CFHR3: variants seen among roughly 807,000 people sequenced by gnomAD.
CFHR3 encodes complement factor H related 3, also known as complement factor H-related protein 3.
Under a neutral mutation model 36.0 loss-of-function variants are expected in CFHR3, and 22 were observed. That is an observed-to-expected ratio of 0.61 (90% CI 0.44 to 0.87). The LOEUF (loss-of-function observed/expected upper bound fraction) is 0.87. Ranked by LOEUF, CFHR3 falls within the 40% of genes least tolerant of loss-of-function variation. CFHR3 has a pLI of 0.00. For missense variants in CFHR3, 276 were observed against 401.3 expected (o/e 0.69, Z 2.67); for synonymous variants, 97 against 137.4 (o/e 0.71, Z 2.06).
chr1:196,782,437 A>G lies in CFHR3; in HGVS notation c.430+2464A>G, dbSNP rs1266058021. ...ATATTGATTCCTCCTACCCATGAGC[A>G]TGGAATGTTCTTCCATTTGTTTGTA... On this transcript the variant is annotated intron_variant, in intron 3 of 5. Coordinates refer to ENST00000367425, the MANE Select transcript of CFHR3 (RefSeq NM_021023.6). Among the ~76,000 whole-genome samples the G allele has an allele frequency of 2.9e-5, 4 of 137,278 alleles. 1 individual carries two copies. The highest frequency in any genetic ancestry group is 1.2e-4 in the African/African-American group (4 of 32,836). 90.1% of individuals were successfully genotyped at this position (137,278 alleles called of 152,430 possible). A position where few individuals can be genotyped will look rare whatever the true frequency, so the allele number is the denominator to read the frequency against.
chr1:196,790,950 A>G lies in CFHR3; in HGVS notation c.796+723A>G, dbSNP rs1422656443. ...ACCAGTAATCATTTTCACATTATTA[A>G]CACTTAGGTAAAGAGTTTTCAAACA... On this transcript the variant is annotated intron_variant, in intron 5 of 5. Coordinates refer to ENST00000367425, the MANE Select transcript of CFHR3 (RefSeq NM_021023.6). Among the ~76,000 whole-genome samples the G allele has an allele frequency of 1.5e-5, 2 of 136,088 alleles. 1 individual carries two copies. The highest frequency in any genetic ancestry group is 6.1e-5 in the African/African-American group (2 of 32,536). 89.3% of individuals were successfully genotyped at this position (136,088 alleles called of 152,430 possible).
At position 196,776,362 on chromosome 1, in the gene CFHR3, T is replaced by A. The variant is rs184307163; in HGVS notation, c.58+1418T>A. Among the ~76,000 whole-genome samples the A allele has an allele frequency of 2.9e-5, 4 of 137,794 alleles. No homozygotes were observed. The East Asian group carries it at 7.8e-4, about 27-fold the overall frequency. The allele number at this position is 137,794 out of a possible 152,430, so 90.4% of individuals were successfully genotyped here. On this transcript the variant is annotated intron_variant, in intron 1 of 5. Transcript: ENST00000367425. ...GTAACTCATTTAGTGGAATAACATC[T>A]TGGGTAGAGAGAAACATCTTTGTGA...
intron 3 of CFHR3, among the ~76,000 whole-genome samples, chr1:196,782,817 C>G (rs1483105496): frequency 7.3e-6 from 1 of 136,928 alleles, no homozygotes; most frequent in Non-Finnish European, 1.5e-5. Context: ...AAGGAGATCC[C>G]TGGCCAGAAC....
At chr1:196,786,912 C>G (rs1416937389) in intron 3 of CFHR3, among the ~76,000 whole-genome samples, 1 of 137,654 alleles carries the variant, frequency 7.3e-6, no homozygotes, top group African/African-American at 3.0e-5. Context: ...ACGCTGGGAG[C>G]TGTAGACCAG....
chr1:196,785,422 C>G (rs1251324006), intron 3 of CFHR3, among the ~76,000 whole-genome samples: 1 of 134,288 alleles, frequency 7.4e-6, no homozygotes, highest in Non-Finnish European at 1.6e-5. Context: ...TCCATTCTCC[C>G]CGTCACTTTC....
chr1:196,777,104 T>G (rs1653751454), intron 1 of CFHR3, among the ~76,000 whole-genome samples: 1 of 136,364 alleles, frequency 7.3e-6, no homozygotes, highest in Non-Finnish European at 1.6e-5. Context: ...AACAATAAAA[T>G]CAGCACACCA....
chr1:196,791,689 G>A (rs1654433719), intron 5 of CFHR3, among the ~76,000 whole-genome samples: 1 of 131,894 alleles, frequency 7.6e-6, no homozygotes, highest in South Asian at 2.6e-4. Flanking sequence ...CCAAGTTTGA[G>A]CTCCAAACTA....
At position 196,784,985 on chromosome 1, in the gene CFHR3, T is replaced by G. The variant is rs1235349555; in HGVS notation, c.431-3231T>G. Reference sequence around the variant, plus strand: ...TTTAGTGCTTCCTTCAGGAGCTCTTTTAGGGCAGGCCTGGTGGTGACAAAA... The same window carrying G: ...TTTAGTGCTTCCTTCAGGAGCTCTTGTAGGGCAGGCCTGGTGGTGACAAAA... On this transcript the variant is annotated intron_variant, in intron 3 of 5. Coordinates refer to ENST00000367425, the MANE Select transcript of CFHR3 (RefSeq NM_021023.6). Among the ~76,000 whole-genome samples, 32 of 136,264 alleles carry G rather than the reference T, an allele frequency of 2.3e-4. 2 individuals carry two copies. The highest frequency in any genetic ancestry group is 3.7e-4 in the Non-Finnish European group (24 of 64,254). The allele number at this position is 136,264 out of a possible 152,430, so 89.4% of individuals were successfully genotyped here. A position where few individuals can be genotyped will look rare whatever the true frequency, so the allele number is the denominator to read the frequency against.
chr1:196,786,651 G>A lies in CFHR3; in HGVS notation c.431-1565G>A, dbSNP rs540796353. Among the ~76,000 whole-genome samples, 8 of 136,928 alleles carry A rather than the reference G, an allele frequency of 5.8e-5. 2 individuals are homozygous for A. In the South Asian group the frequency reaches 1.0e-3, roughly 17 times the overall value. 89.8% of individuals were successfully genotyped at this position (136,928 alleles called of 152,430 possible). On this transcript the variant is annotated intron_variant, in intron 3 of 5. Coordinates refer to ENST00000367425, the MANE Select transcript of CFHR3 (RefSeq NM_021023.6). The stretch of plus-strand genomic sequence containing the variant: ...TCCTGGTGTGCCGTTTTTTAAGCCC[G>A]TGGGAAAAGCGCAGTATTAGGGTGG...
chr1:196,779,678 A>T, intron 2 of CFHR3, 119 bp from the exon 3 acceptor site: 1 of 1,287,482 alleles, frequency 7.8e-7, no homozygotes, highest in East Asian at 2.5e-5. Flanking sequence ...TAAGTTGTAC[A>T]TTATTTTTGG....
chr1:196,778,148 A>C (rs1313123296), intron 1 of CFHR3, among the ~76,000 whole-genome samples: 1 of 135,426 alleles, frequency 7.4e-6, no homozygotes, highest in East Asian at 2.0e-4. Flanking sequence ...TATGGAGGAG[A>C]CACTCAGCAG....
In CFHR3 at chr1:196,779,085, G is replaced by C; in HGVS notation, c.59-77G>C. ...CACAAGAAAATGTTTGAGAGAAGGTGATATCAAAATTTATCTCTAATATGA... is the reference window on the plus strand; with the variant it reads ...CACAAGAAAATGTTTGAGAGAAGGTCATATCAAAATTTATCTCTAATATGA... On this transcript the variant is annotated intron_variant, in intron 1 of 5. Coordinates refer to ENST00000367425, the MANE Select transcript of CFHR3 (RefSeq NM_021023.6). The C allele has an allele frequency of 2.7e-6, 3 of 1,115,780 alleles. 1 individual carries two copies. The highest frequency in any genetic ancestry group is 3.8e-6 in the Non-Finnish European group (3 of 786,608). The allele number at this position is 1,115,780 out of a possible 1,614,324, so 69.1% of individuals were successfully genotyped here.
At chr1:196,782,620 A>G (rs1488912908) in intron 3 of CFHR3, among the ~76,000 whole-genome samples, 1 of 136,764 alleles carries the variant, frequency 7.3e-6, no homozygotes, top group Admixed American at 7.0e-5. Flanking sequence ...TTATTGGTGT[A>G]TAAGAATGCT....
In CFHR3 at chr1:196,788,648, G is replaced by C. The variant is rs560336430; in HGVS notation, c.613+250G>C. On this transcript the variant is annotated intron_variant, in intron 4 of 5. Transcript: ENST00000367425. Reference sequence around the variant, plus strand: ...CATAAAAGCAATCTTATCATGTACAGACTAGTTAGGGAGCTGCATGAGAGT... The same window carrying C: ...CATAAAAGCAATCTTATCATGTACACACTAGTTAGGGAGCTGCATGAGAGT... The C allele has an allele frequency of 6.8e-5, 97 of 1,422,080 alleles. 16 individuals are homozygous for C. In the Admixed American group the frequency reaches 7.2e-4, roughly 10 times the overall value. 88.1% of individuals were successfully genotyped at this position (1,422,080 alleles called of 1,614,324 possible). A position where few individuals can be genotyped will look rare whatever the true frequency, so the allele number is the denominator to read the frequency against.
chr1:196,776,331 G>C (rs866790981), intron 1 of CFHR3, among the ~76,000 whole-genome samples: 1 of 137,230 alleles, frequency 7.3e-6, no homozygotes, highest in South Asian at 2.5e-4. Context: ...TTTCTCAAAG[G>C]AGAAAGTAAC....
At chr1:196,781,183 T>A (rs551422135) in intron 3 of CFHR3, among the ~76,000 whole-genome samples, 1 of 135,538 alleles carries the variant, frequency 7.4e-6, no homozygotes, top group East Asian at 2.0e-4. Context: ...TGCCACATTT[T>A]CTTAATCCAG....
rs749210518 is a variant in CFHR3, at chr1:196,783,015, G to A, written c.430+3042G>A. 2.8e-4 allele frequency among the ~76,000 whole-genome samples: 38 copies of A among 137,014 alleles called. 7 individuals carry two copies. The highest frequency in any genetic ancestry group is 1.3e-3 in the South Asian group (5 of 3,934). 89.9% of individuals were successfully genotyped at this position (137,014 alleles called of 152,430 possible). ...TTATTGAGAGTTTTTAGCATGAAGCGTTGTTGAATTTTGTCAAAGGCCTTT... is the reference window on the plus strand; with the variant it reads ...TTATTGAGAGTTTTTAGCATGAAGCATTGTTGAATTTTGTCAAAGGCCTTT... On this transcript the variant is annotated intron_variant, in intron 3 of 5. Coordinates refer to ENST00000367425, the MANE Select transcript of CFHR3 (RefSeq NM_021023.6).
intron 3 of CFHR3, among the ~76,000 whole-genome samples, chr1:196,786,842 G>A (rs1251054655): frequency 7.3e-6 from 1 of 137,278 alleles, no homozygotes; most frequent in Non-Finnish European, 1.5e-5. Flanking sequence ...GCACTCCCTA[G>A]TGAGATGAAC....
intron 2 of CFHR3, 36 bp downstream of exon 2, chr1:196,779,392 A>G (rs1369497143): frequency 1.5e-6 from 2 of 1,343,288 alleles, no homozygotes; most frequent in East Asian, 4.5e-5. Context: ...CATGTATAAA[A>G]CTTTAAAAGA....
Sources: gnomAD v4.1 joint callset for allele counts (sites outside exome capture counted in the v4.1 genomes callset) on GRCh38, gnomAD v4.1.1 for gene constraint, MANE v1.5 for transcripts, NCBI Gene and HGNC (gene_info 2026-07-23, HGNC 2026-07-21) for gene names.